The following BRDT variants were observed in gnomAD, a reference collection of about 807,000 sequenced individuals.
The protein encoded by BRDT is bromodomain testis-specific protein.
A neutral mutation model predicts 113.9 loss-of-function variants in BRDT; 77 were observed. The observed-to-expected ratio is 0.68, with a 90% CI of 0.56 to 0.82. The LOEUF (loss-of-function observed/expected upper bound fraction) is 0.82. Ranked by LOEUF, BRDT falls within the 40% of genes least tolerant of loss-of-function variation. The pLI is 0.00. For missense variants in BRDT, 1,027 were observed against 1,105.4 expected, an observed-to-expected ratio of 0.93 and a Z score of 1.01; for synonymous variants, 358 against 366.5, an observed-to-expected ratio of 0.98 and a Z score of 0.26.
intron 18 of BRDT, among the ~76,000 whole-genome samples, chr1:92,007,327 C>T (rs1415778940): frequency 6.6e-6 from 1 of 151,990 alleles, no homozygotes; most frequent in African/African-American, 2.4e-5. Context: ...CAGATTATTT[C>T]TTCACCCAGG....
At chr1:91,959,097 A>G (rs567334180) in intron 1 of BRDT, among the ~76,000 whole-genome samples, 1 of 152,304 alleles carries the variant, frequency 6.6e-6, no homozygotes, top group South Asian at 2.1e-4. Context: ...ATATTGTGTA[A>G]TAAATACACA....
chr1:92,007,948 G>A (rs552627415), intron 18 of BRDT, among the ~76,000 whole-genome samples: 89 of 150,156 alleles, frequency 5.9e-4, no homozygotes, highest in African/African-American at 2.1e-3. Flanking sequence ...GTGGAGTTTC[G>A]CTCTTGTCGC....
At chr1:91,994,326 A>G in intron 15 of BRDT, 72 bp downstream of exon 15, 1 of 1,222,552 alleles carries the variant, frequency 8.2e-7, no homozygotes, top group East Asian at 2.5e-5. Context: ...TGAAAATGTT[A>G]TGGTCATCTT....
intron 2 of BRDT, among the ~76,000 whole-genome samples, chr1:91,964,340 C>T (rs953817466): frequency 1.3e-5 from 2 of 152,144 alleles, no homozygotes; most frequent in East Asian, 1.9e-4. Context: ...GGATTACAGG[C>T]GTGAGCCACC....
At chr1:91,953,783 T>A (rs768845803) in intron 1 of BRDT, among the ~76,000 whole-genome samples, 3 of 152,236 alleles carry the variant, frequency 2.0e-5, no homozygotes, top group Non-Finnish European at 4.4e-5. Context: ...AAGGGGATGC[T>A]ACACTATTGT....
chr1:91,981,174 T>C lies in BRDT; in HGVS notation c.1746T>C (p.Pro582=). Residue 582 remains proline (P), a synonymous_variant, in exon 10 of 19, where the codon CCT becomes CCC. Transcript: ENST00000399546. ...GTCTAAGAAAGAGACCATTAAAACC[T>C]CCTGGTATGTATTTCTGCATATTAA... ...SACLRKRPLK[P]PAKKIMMSKE... 6.2e-7 allele frequency: 1 copy of C among 1,608,504 alleles called. No individual in the cohort carries two copies. Among genetic ancestry groups the C allele is most frequent in the Non-Finnish European group, 8.5e-7 (1 of 1,178,248 alleles).
intron 16 of BRDT, among the ~76,000 whole-genome samples, chr1:92,003,996 C>T (rs1687073772): frequency 6.6e-6 from 1 of 152,100 alleles, no homozygotes; most frequent in Non-Finnish European, 1.5e-5. Flanking sequence ...AGAGGACTCT[C>T]AACAAACTCC....
At chr1:91,971,110 G>A (rs1377758262) in intron 4 of BRDT, among the ~76,000 whole-genome samples, 1 of 151,990 alleles carries the variant, frequency 6.6e-6, no homozygotes, top group Non-Finnish European at 1.5e-5. Flanking sequence ...TGAGGTGGGG[G>A]TAGGGGAGAG....
chr1:91,980,442 A>G (rs1012406293), intron 8 of BRDT, among the ~76,000 whole-genome samples: 3 of 152,228 alleles, frequency 2.0e-5, no homozygotes, highest in African/African-American at 7.2e-5. Context: ...TTATGGGTTC[A>G]GCACATGATA....
intron 12 of BRDT, among the ~76,000 whole-genome samples, chr1:91,990,879 C>A (rs1685687613): frequency 6.6e-6 from 1 of 152,160 alleles, no homozygotes. Flanking sequence ...CTCACTGCAA[C>A]CTCCGCTTCC....
chr1:91,994,554 T>C (rs1049673147), intron 15 of BRDT, among the ~76,000 whole-genome samples: 10 of 152,022 alleles, frequency 6.6e-5, no homozygotes, highest in Non-Finnish European at 1.0e-4. Flanking sequence ...GACACCTATC[T>C]GGGTTAGAAA....
chr1:91,985,056 A>G (rs1225581500), intron 12 of BRDT, among the ~76,000 whole-genome samples: 1 of 152,046 alleles, frequency 6.6e-6, no homozygotes, highest in East Asian at 1.9e-4. Context: ...TTTATTGAAG[A>G]TAATAGGCTT....
chr1:91,988,771 T>A (rs759671752), intron 12 of BRDT, among the ~76,000 whole-genome samples: 7 of 152,130 alleles, frequency 4.6e-5, no homozygotes, highest in African/African-American at 7.2e-5. Context: ...ATGGCTGTAG[T>A]TTGGTAGTGA....
At chr1:91,963,289 G>C (rs1682690644) in intron 2 of BRDT, among the ~76,000 whole-genome samples, 1 of 151,842 alleles carries the variant, frequency 6.6e-6, no homozygotes, top group African/African-American at 2.4e-5. Flanking sequence ...GCCATTGCCT[G>C]GGCAACAAGA....
chr1:91,979,853 G>A (rs532990360), intron 8 of BRDT, 96 bp downstream of exon 8: 16 of 1,139,502 alleles, frequency 1.4e-5, no homozygotes, highest in Middle Eastern at 2.4e-4. Context: ...TAGTTAAATC[G>A]CTTCATAACT....
intron 14 of BRDT, among the ~76,000 whole-genome samples, chr1:91,992,828 G>A (rs1685924911): frequency 6.6e-6 from 1 of 152,140 alleles, no homozygotes; most frequent in South Asian, 2.1e-4. Context: ...GAGCCACCAT[G>A]CCTGGCCTTC....
chr1:91,961,243 G>C (rs1177366020), intron 1 of BRDT, among the ~76,000 whole-genome samples: 1 of 152,134 alleles, frequency 6.6e-6, no homozygotes, highest in South Asian at 2.1e-4. Context: ...GCCAGCAGGC[G>C]GAAGTTGCAG....
Position 91,968,173 on chromosome 1 carries a change from C to A in BRDT, c.358C>A (p.Gln120Lys). 1 of 1,613,956 alleles carries A rather than the reference C, an allele frequency of 6.2e-7. No individual in the cohort carries two copies. ...TGGAGATGACATTGTTCTTATGGCA[C>A]AAGCTCTAGAGAAGCTGTTTATGCA... ...KPGDDIVLMAQALEKLFMQKL... is the reference protein window; with the variant it reads ...KPGDDIVLMAKALEKLFMQKL... The change falls in exon 4 of 19, where the codon CAA becomes AAA. Residue 120 changes from glutamine (Q) to lysine (K), a missense_variant. By Grantham distance (53) the Gln-to-Lys change is moderately conservative (BLOSUM62 1). Transcript: ENST00000399546.
intron 1 of BRDT, 99 bp from the exon 2 acceptor site, chr1:91,962,619 C>T (rs1330531967): frequency 2.8e-5 from 18 of 652,646 alleles, no homozygotes; most frequent in Non-Finnish European, 4.3e-5. Flanking sequence ...CAGGCCTGAG[C>T]CACTGTGCCC....
Sources: gnomAD v4.1 joint callset for allele counts (sites outside exome capture counted in the v4.1 genomes callset) on GRCh38, gnomAD v4.1.1 for gene constraint, MANE v1.5 for transcripts, NCBI Gene and HGNC (gene_info 2026-07-23, HGNC 2026-07-21) for gene names.